Variants in CAMKK1 observed in about 807,000 individuals in gnomAD.
CAMKK1 encodes calcium/calmodulin dependent protein kinase kinase 1.
CAMKK1 carries 20 observed loss-of-function variants against 63.5 expected under a neutral mutation model. That is an observed-to-expected ratio of 0.32 (90% CI 0.22 to 0.46). CAMKK1 has a LOEUF of 0.46. CAMKK1 is among the 20% of genes least tolerant of loss of function. The pLI is 1.00. For synonymous variants in CAMKK1, 253 were observed against 269.0 expected (o/e 0.94, Z 0.58); for missense variants, 588 against 658.1 (o/e 0.89, Z 1.17).
At chr17:3,868,103 G>A (rs1387086311) in intron 14 of CAMKK1, among the ~76,000 whole-genome samples, 1 of 81,120 alleles carries the variant, frequency 1.2e-5, no homozygotes, top group Non-Finnish European at 2.3e-5. Flanking sequence ...TGGGGGAGAA[G>A]CAGGCGCCGT....
chr17:3,861,894 G>A lies in CAMKK1; in HGVS notation c.*317C>T. 2.5e-6 allele frequency: 1 copy of A among 399,852 alleles called. No individual in the cohort carries two copies. The highest frequency in any genetic ancestry group is 3.3e-5 in the South Asian group (1 of 30,534). 24.8% of individuals were successfully genotyped at this position (399,852 alleles called of 1,614,324 possible). On this transcript the variant is annotated 3_prime_UTR_variant, in exon 16 of 16. Coordinates refer to ENST00000348335, the MANE Select transcript of CAMKK1 (RefSeq NM_032294.3). Reference sequence around the variant, plus strand: ...CTCCTGCCTCTGCCTCCTGCCCCAGGCCATGCCAACCAGCCGGGTGGCATT... The same window carrying A: ...CTCCTGCCTCTGCCTCCTGCCCCAGACCATGCCAACCAGCCGGGTGGCATT...
chr17:3,868,495 G>A (rs976087396), intron 14 of CAMKK1, among the ~76,000 whole-genome samples: 1 of 152,164 alleles, frequency 6.6e-6, no homozygotes, highest in African/African-American at 2.4e-5. Context: ...GGGCTTTGGG[G>A]CCACTCCTCC....
At chr17:3,878,234 A>G (rs2055255384) in intron 9 of CAMKK1, among the ~76,000 whole-genome samples, 1 of 151,706 alleles carries the variant, frequency 6.6e-6, no homozygotes, top group South Asian at 2.1e-4. Context: ...GGCAGCCTCA[A>G]CTCTCTCTTC....
chr17:3,875,957 C>G (rs537903647), intron 10 of CAMKK1, among the ~76,000 whole-genome samples: 2 of 152,318 alleles, frequency 1.3e-5, no homozygotes, highest in South Asian at 4.1e-4. Context: ...ACAGGGTTCT[C>G]TTTGTTTCTG....
Position 3,862,518 on chromosome 17 carries a change from A to C in CAMKK1, c.1446-235T>G, listed in dbSNP as rs551149825. On this transcript the variant is annotated intron_variant, in intron 15 of 15. Coordinates refer to ENST00000348335, the MANE Select transcript of CAMKK1 (RefSeq NM_032294.3). The surrounding 1 kb of genome is among the most constrained non-coding windows in gnomAD (Gnocchi z 4.1). Reference sequence around the variant, plus strand: ...CTCCGTGGCCCCCCATTGACCAGAGATGAAGTCTAAACCTCCCAGCACGGC... The same window carrying C: ...CTCCGTGGCCCCCCATTGACCAGAGCTGAAGTCTAAACCTCCCAGCACGGC... Among the ~76,000 whole-genome samples, 2 of 152,050 alleles carry C rather than the reference A, an allele frequency of 1.3e-5. No homozygotes were observed.
chr17:3,880,904 A>G (rs1028780401), intron 8 of CAMKK1, among the ~76,000 whole-genome samples: 6 of 151,984 alleles, frequency 3.9e-5, no homozygotes, highest in African/African-American at 1.5e-4. Context: ...AGAAATATAT[A>G]TTTCTTGTTT....
chr17:3,886,055 T>C (rs1051055592), intron 1 of CAMKK1, among the ~76,000 whole-genome samples: 10 of 152,210 alleles, frequency 6.6e-5, no homozygotes, highest in African/African-American at 2.4e-4. Context: ...CCAGCAGCAC[T>C]GGAAGGGGCA....
chr17:3,888,736 C>T (rs1022636218), intron 1 of CAMKK1, among the ~76,000 whole-genome samples: 3 of 152,232 alleles, frequency 2.0e-5, no homozygotes, highest in African/African-American at 4.8e-5. Context: ...CCCTCCCTCC[C>T]GCCTGGATCA....
chr17:3,871,347 G>GT (rs869219931), intron 12 of CAMKK1, among the ~76,000 whole-genome samples: 1,458 of 104,100 alleles, frequency 0.014, 88 homozygotes, highest in Non-Finnish European at 0.018. Flanking sequence ...TTTTTTTTTT[G>GT]TTTTTTTTTT....
chr17:3,891,281 TG>T (rs1447889991), intron 1 of CAMKK1, among the ~76,000 whole-genome samples: 1 of 151,974 alleles, frequency 6.6e-6, no homozygotes, highest in African/African-American at 2.4e-5. Flanking sequence ...TAATTTCTCG[TG>T]GGGGCAAGAA....
Position 3,882,082 on chromosome 17 carries a change from T to A in CAMKK1, c.686-434A>T. ...AACCAGACACAAGGAACTAAAATAATAACATTACTATTAACAAGGATAATA... is the reference window on the plus strand; with the variant it reads ...AACCAGACACAAGGAACTAAAATAAAAACATTACTATTAACAAGGATAATA... On this transcript the variant is annotated intron_variant, in intron 7 of 15. Coordinates refer to ENST00000348335, the MANE Select transcript of CAMKK1 (RefSeq NM_032294.3). The surrounding 1 kb of genome is among the most constrained non-coding windows in gnomAD (Gnocchi z 4.3). 1 of 568,780 alleles carries A rather than the reference T, an allele frequency of 1.8e-6. No homozygotes were observed. 35.2% of individuals were successfully genotyped at this position (568,780 alleles called of 1,614,324 possible).
In CAMKK1 at chr17:3,882,987, G is replaced by T; in HGVS notation, c.648+55C>A. The stretch of plus-strand genomic sequence containing the variant: ...TGCTAGGGGCTCCCCAGCACCAGAA[G>T]CGGCTCCCATGAGACTCAGGTGCTG... On this transcript the variant is annotated intron_variant, in intron 6 of 15. Transcript: ENST00000348335. This position sits in a 1 kb window ranked among gnomAD's most constrained non-coding sequence, Gnocchi z 4.3. The T allele has an allele frequency of 6.2e-7, 1 of 1,600,270 alleles. No individual in the cohort carries two copies. Among genetic ancestry groups the T allele is most frequent in the Non-Finnish European group, 8.5e-7 (1 of 1,171,950 alleles).
chr17:3,869,921 G>GTCCTCATCAGCGGTCCC, intron 12 of CAMKK1, 33 bp from the exon 13 acceptor site: 1 of 1,554,218 alleles, frequency 6.4e-7, no homozygotes, highest in Non-Finnish European at 8.9e-7. Context: ...AGGAGGGTGG[G>GTCCTCATCAGCGGTCCC]ACCGCTGATG....
At chr17:3,865,175 T>C (rs2054469528) in intron 15 of CAMKK1, 2 of 985,602 alleles carry the variant, frequency 2.0e-6, no homozygotes, top group South Asian at 4.7e-5. Context: ...CCAGACTGGC[T>C]TTTATTATAG....
intron 12 of CAMKK1, among the ~76,000 whole-genome samples, chr17:3,871,464 C>T (rs1385026979): frequency 2.0e-5 from 3 of 148,100 alleles, no homozygotes; most frequent in Non-Finnish European, 4.5e-5. Flanking sequence ...ACGCCGTTCT[C>T]CTGCCTCAGC....
At position 3,862,259 on chromosome 17, in the gene CAMKK1, G is replaced by A; in HGVS notation, c.1470C>T (p.Gly490=). Residue 490 remains glycine, a synonymous_variant, in exon 16 of 16, where the codon GGC becomes GGT. Coordinates refer to ENST00000348335, the MANE Select transcript of CAMKK1 (RefSeq NM_032294.3). This position sits in a 1 kb window ranked among gnomAD's most constrained non-coding sequence, Gnocchi z 4.1. The part of the protein sequence containing the change: ...LLVKEGFGEG[G]KSPELPGVQE... Reference sequence around the variant, plus strand: ...GGACGCCGGGGAGCTCTGGGCTCTTGCCCCCTTCACCAAACCCTTCTTTCC... The same window carrying A: ...GGACGCCGGGGAGCTCTGGGCTCTTACCCCCTTCACCAAACCCTTCTTTCC... 1.3e-6 allele frequency: 2 copies of A among 1,589,322 alleles called. No homozygotes were observed. The highest frequency in any genetic ancestry group is 8.6e-7 in the Non-Finnish European group (1 of 1,167,060).
At chr17:3,869,032 G>A (rs7220563) in intron 14 of CAMKK1, among the ~76,000 whole-genome samples, 42,202 of 148,512 alleles carry the variant, frequency 0.28, 6,508 homozygotes, top group Non-Finnish European at 0.35. Context: ...GCAGTGGCGC[G>A]ATCTCGGCTC....
At chr17:3,885,041 C>CATCT (rs1376056953) in intron 2 of CAMKK1, among the ~76,000 whole-genome samples, 10 of 152,170 alleles carry the variant, frequency 6.6e-5, no homozygotes, top group African/African-American at 2.4e-4. Context: ...GGGGACATAG[C>CATCT]ATCTATCTTC....
chr17:3,884,049 C>A lies in CAMKK1; in HGVS notation c.409-112G>T. 9.7e-7 allele frequency: 1 copy of A among 1,030,924 alleles called. No individual in the cohort carries two copies. Among genetic ancestry groups the A allele is most frequent in the Non-Finnish European group, 1.5e-6 (1 of 674,708 alleles). 63.9% of individuals were successfully genotyped at this position (1,030,924 alleles called of 1,614,324 possible). A position where few individuals can be genotyped will look rare whatever the true frequency, so the allele number is the denominator to read the frequency against. On this transcript the variant is annotated intron_variant, in intron 3 of 15. Transcript: ENST00000348335. The surrounding 1 kb of genome is among the most constrained non-coding windows in gnomAD (Gnocchi z 4.5). The stretch of plus-strand genomic sequence containing the variant: ...TCTCTCCTGCACCCCATCTGCACTA[C>A]CCACCACCAGCTGGCTCACGGGCAA...
Sources: gnomAD v4.1 joint callset for allele counts (sites outside exome capture counted in the v4.1 genomes callset) on GRCh38, gnomAD v4.1.1 for gene constraint, Gnocchi (gnomAD v3.1) non-coding constraint, MANE v1.5 for transcripts, NCBI Gene and HGNC (gene_info 2026-07-23, HGNC 2026-07-21) for gene names.